The following MSRB3 variants were observed in gnomAD, a reference collection of about 807,000 sequenced individuals.
The protein encoded by MSRB3 is methionine-R-sulfoxide reductase B3.
Under a neutral mutation model 21.0 loss-of-function variants are expected in MSRB3, and 13 were observed. That is an observed-to-expected ratio of 0.62 (90% confidence interval 0.40 to 0.98). MSRB3 has a LOEUF of 0.98. MSRB3 is among the 50% of genes least tolerant of loss of function. MSRB3 has a pLI of 0.00. For missense variants in MSRB3, 199 were observed against 230.3 expected (o/e 0.86, Z 0.88); for synonymous variants, 87 against 88.6 (o/e 0.98, Z 0.10).
chr12:65,463,008 G>T (rs1883398320), intron 6 of MSRB3, 147 bp from the exon 7 acceptor site: 4 of 967,032 alleles, frequency 4.1e-6, no homozygotes, highest in Non-Finnish European at 4.9e-6. Context: ...CATCTTTGCG[G>T]CTATTGACAG....
intron 5 of MSRB3, among the ~76,000 whole-genome samples, chr12:65,442,163 G>A (rs1343406775): frequency 6.6e-6 from 1 of 151,908 alleles, no homozygotes; most frequent in Non-Finnish European, 1.5e-5. Context: ...ATATATAATA[G>A]AATAAAGATC....
intron 2 of MSRB3, among the ~76,000 whole-genome samples, chr12:65,314,164 T>A (rs1298461706): frequency 6.6e-6 from 1 of 152,156 alleles, no homozygotes; most frequent in African/African-American, 2.4e-5. Flanking sequence ...AGACTTTCTA[T>A]AAACTGAAAC....
chr12:65,287,020 CAAAAAA>C (rs35236078), intron 1 of MSRB3, among the ~76,000 whole-genome samples: 1 of 57,152 alleles, frequency 1.7e-5, no homozygotes, highest in Non-Finnish European at 2.9e-5. Context: ...GACCCTTTCT[CAAAAAA>C]AAAAAAAAAA....
chr12:65,398,544 C>G (rs1309077404), intron 5 of MSRB3, among the ~76,000 whole-genome samples: 1 of 152,032 alleles, frequency 6.6e-6, no homozygotes, highest in Non-Finnish European at 1.5e-5. Flanking sequence ...AAATTTTCTC[C>G]CATTCTGTAG....
At chr12:65,353,399 C>G (rs1877163588) in intron 4 of MSRB3, among the ~76,000 whole-genome samples, 2 of 152,124 alleles carry the variant, frequency 1.3e-5, no homozygotes, top group African/African-American at 4.8e-5. Context: ...CTTTATGAAT[C>G]TGGGTGCTCC....
intron 5 of MSRB3, among the ~76,000 whole-genome samples, chr12:65,446,855 T>C (rs1882641132): frequency 6.6e-6 from 1 of 152,180 alleles, no homozygotes; most frequent in South Asian, 2.1e-4. Flanking sequence ...GAACTCAGAA[T>C]TGACAAGAGC....
chr12:65,312,762 C>T (rs1052855753), intron 2 of MSRB3, among the ~76,000 whole-genome samples: 1 of 152,022 alleles, frequency 6.6e-6, no homozygotes, highest in South Asian at 2.1e-4. Context: ...CATGAATCAG[C>T]GGCTTATGGC....
At chr12:65,380,846 C>T (rs756974505) in intron 5 of MSRB3, among the ~76,000 whole-genome samples, 3 of 152,056 alleles carry the variant, frequency 2.0e-5, no homozygotes, top group Non-Finnish European at 2.9e-5. Flanking sequence ...TAGTCCGATT[C>T]GAGAGTCTTA....
intron 1 of MSRB3, among the ~76,000 whole-genome samples, chr12:65,298,436 T>C (rs1873114888): frequency 6.6e-6 from 1 of 152,226 alleles, no homozygotes; most frequent in Non-Finnish European, 1.5e-5. Flanking sequence ...TTGAAAAACA[T>C]CTTTTAATCA....
At chr12:65,431,083 T>C (rs1881855058) in intron 5 of MSRB3, among the ~76,000 whole-genome samples, 1 of 152,110 alleles carries the variant, frequency 6.6e-6, no homozygotes, top group African/African-American at 2.4e-5. Flanking sequence ...TTTCATCTTA[T>C]GAGTCATAAA....
At chr12:65,425,343 A>G (rs1881546680) in intron 5 of MSRB3, among the ~76,000 whole-genome samples, 1 of 152,002 alleles carries the variant, frequency 6.6e-6, no homozygotes, top group South Asian at 2.1e-4. Context: ...AAGTTGGTTC[A>G]TTTACATTCA....
intron 4 of MSRB3, among the ~76,000 whole-genome samples, chr12:65,330,460 A>G (rs1040220008): frequency 1.9e-4 from 29 of 152,182 alleles, no homozygotes; most frequent in African/African-American, 6.3e-4. Context: ...CTATTTTGGG[A>G]AAAATTCCTT....
At chr12:65,307,179 C>G (rs1024858092) in intron 1 of MSRB3, among the ~76,000 whole-genome samples, 16 of 152,166 alleles carry the variant, frequency 1.1e-4, no homozygotes, top group African/African-American at 3.1e-4. Context: ...CCCTGCTCTG[C>G]AGTCACTCGT....
In MSRB3 at chr12:65,328,518, T is replaced by C. The variant is rs1875202604; in HGVS notation, c.186-8T>C. The C allele has an allele frequency of 6.3e-7, 1 of 1,590,174 alleles. No individual in the cohort carries two copies. The highest frequency in any genetic ancestry group is 1.3e-5 in the African/African-American group (1 of 74,434). ...TTTAATTTTTTAAATGATCTGTTTA[T>C]TTATCAGTGCCTTTGAAGGAGAATA... On this transcript the variant is annotated splice_region_variant and splice_polypyrimidine_tract_variant and intron_variant, in intron 3 of 6. Coordinates refer to ENST00000308259, the MANE Select transcript of MSRB3 (RefSeq NM_001031679.3).
chr12:65,328,422 A>C, intron 3 of MSRB3, 104 bp from the exon 4 acceptor site: 1 of 801,456 alleles, frequency 1.2e-6, no homozygotes, highest in Non-Finnish European at 2.1e-6. Context: ...ATTCTAGTAC[A>C]AAAAGCCCTT....
At chr12:65,345,694 T>G (rs993135202) in intron 4 of MSRB3, among the ~76,000 whole-genome samples, 6 of 152,132 alleles carry the variant, frequency 3.9e-5, no homozygotes, top group African/African-American at 1.4e-4. Flanking sequence ...ACTCATCATT[T>G]AACATTAGGT....
Position 65,326,855 on chromosome 12 carries a change from G to A in MSRB3, c.106G>A (p.Val36Met), listed in dbSNP as rs1315520124. 1 of 1,613,752 alleles carries A rather than the reference G, an allele frequency of 6.2e-7. No individual in the cohort carries two copies. The highest frequency in any genetic ancestry group is 8.5e-7 in the Non-Finnish European group (1 of 1,179,824). ...GTGTAGGGATAAAAAGAACTGTAAG[G>A]TGGTCTTTTCCCAGCAGGAACTGAG... Reference protein sequence around the residue: ...GSCRDKKNCKVVFSQQELRKR... With the variant: ...GSCRDKKNCKMVFSQQELRKR... The change falls in exon 3 of 7, where the codon GTG (valine) becomes ATG (methionine). Residue 36 changes from valine to methionine, a missense_variant. Transcript: ENST00000308259.
At chr12:65,392,712 C>T (rs760931909) in intron 5 of MSRB3, among the ~76,000 whole-genome samples, 13 of 152,148 alleles carry the variant, frequency 8.5e-5, no homozygotes, top group East Asian at 5.8e-4. Flanking sequence ...TAGTTGCGAG[C>T]GTGTAAATTT....
intron 5 of MSRB3, among the ~76,000 whole-genome samples, chr12:65,385,130 A>G (rs895271705): frequency 6.6e-6 from 1 of 152,140 alleles, no homozygotes; most frequent in Non-Finnish European, 1.5e-5. Context: ...TGTTTTGTCT[A>G]AAGATACCAT....
Sources: allele counts gnomAD v4.1 joint callset (sites outside exome capture counted in the v4.1 genomes callset), GRCh38; gene constraint gnomAD v4.1.1; transcripts MANE v1.5; gene names NCBI Gene and HGNC (gene_info 2026-07-23, HGNC 2026-07-21).